Variants in HPGDS observed in about 807,000 individuals in gnomAD.
HPGDS encodes the protein GST class-sigma.
Under a neutral mutation model 23.1 loss-of-function variants are expected in HPGDS, and 26 were observed. The ratio of observed to expected loss-of-function variants is 1.13; its 90% CI spans 0.83 to 1.56. The LOEUF (loss-of-function observed/expected upper bound fraction) is 1.56. Among genes scored for constraint, HPGDS ranks in the 40% most tolerant of loss-of-function variants. The pLI is 0.00. For missense variants in HPGDS, 268 were observed against 236.4 expected (o/e 1.13, Z -0.88); for synonymous variants, 95 against 77.9 (o/e 1.22, Z -1.16).
At chr4:94,304,669 C>G (rs1756107666) in intron 4 of HPGDS, among the ~76,000 whole-genome samples, 1 of 152,004 alleles carries the variant, frequency 6.6e-6, no homozygotes. Context: ...ATTAGATAGT[C>G]TATAGCTATC....
chr4:94,332,555 C>G (rs893547155), intron 2 of HPGDS, among the ~76,000 whole-genome samples: 1 of 152,250 alleles, frequency 6.6e-6, no homozygotes, highest in African/African-American at 2.4e-5. Flanking sequence ...AGGGCCCACA[C>G]AGAGCTTGCT....
intron 5 of HPGDS, among the ~76,000 whole-genome samples, chr4:94,300,974 T>C (rs1183081179): frequency 6.6e-6 from 1 of 151,614 alleles, no homozygotes; most frequent in Non-Finnish European, 1.5e-5. Flanking sequence ...AGAGATGAGA[T>C]CAGAACATCA....
At chr4:94,313,413 A>G (rs1285771149) in intron 3 of HPGDS, among the ~76,000 whole-genome samples, 1 of 152,190 alleles carries the variant, frequency 6.6e-6, no homozygotes, top group Non-Finnish European at 1.5e-5. Flanking sequence ...GTTTGGCTGG[A>G]TATGAAATTC....
intron 3 of HPGDS, among the ~76,000 whole-genome samples, chr4:94,312,946 C>G (rs182636459): frequency 0.025 from 3,758 of 148,806 alleles, 95 homozygotes; most frequent in African/African-American, 0.076. Flanking sequence ...TTATCAGAGA[C>G]TAGGATTGCA....
At chr4:94,301,352 T>C (rs997175043) in intron 5 of HPGDS, among the ~76,000 whole-genome samples, 1 of 152,218 alleles carries the variant, frequency 6.6e-6, no homozygotes, top group Non-Finnish European at 1.5e-5. Context: ...TTTTTTGTGA[T>C]TATTGATGGT....
chr4:94,325,653 G>C (rs182861091), intron 2 of HPGDS, among the ~76,000 whole-genome samples: 14 of 152,180 alleles, frequency 9.2e-5, no homozygotes, highest in African/African-American at 3.1e-4. Flanking sequence ...GCAGTATTTG[G>C]GTGGCAGTGT....
intron 3 of HPGDS, among the ~76,000 whole-genome samples, chr4:94,309,294 C>T (rs1471162116): frequency 2.4e-4 from 35 of 145,770 alleles, no homozygotes; most frequent in African/African-American, 6.9e-4. Flanking sequence ...CAACAGGCCC[C>T]GGTGTGTGAT....
intron 4 of HPGDS, among the ~76,000 whole-genome samples, chr4:94,303,244 T>G (rs1181930661): frequency 1.3e-5 from 2 of 152,144 alleles, no homozygotes; most frequent in Non-Finnish European, 2.9e-5. Context: ...ACATACAGGT[T>G]GAGCCTCCCT....
chr4:94,309,767 T>A (rs549255156), intron 3 of HPGDS, among the ~76,000 whole-genome samples: 2 of 151,708 alleles, frequency 1.3e-5, no homozygotes, highest in South Asian at 4.2e-4. Flanking sequence ...GTGTTCCTAT[T>A]TCTCCACATC....
intron 3 of HPGDS, among the ~76,000 whole-genome samples, chr4:94,309,172 C>A (rs1217795893): frequency 2.1e-5 from 3 of 146,336 alleles, no homozygotes; most frequent in African/African-American, 7.6e-5. Flanking sequence ...GCACAACATT[C>A]AGGTTTGTTA....
chr4:94,316,222 G>C (rs1474941584), intron 3 of HPGDS, among the ~76,000 whole-genome samples: 1 of 152,172 alleles, frequency 6.6e-6, no homozygotes, highest in Non-Finnish European at 1.5e-5. Context: ...AAGAGAAAGA[G>C]ACGAAAGAGA....
At chr4:94,334,951 A>G (rs78486141) in intron 1 of HPGDS, among the ~76,000 whole-genome samples, 1 of 152,154 alleles carries the variant, frequency 6.6e-6, no homozygotes, top group Admixed American at 6.5e-5. Context: ...AGCAAAAAAA[A>G]CTTCCCACTT....
chr4:94,338,481 G>A lies in HPGDS; in HGVS notation c.-9-3843C>T, dbSNP rs181294630. Among the ~76,000 whole-genome samples the A allele has an allele frequency of 2.0e-5, 3 of 152,158 alleles. No individual in the cohort carries two copies. The East Asian group carries it at 5.8e-4, about 29-fold the overall frequency. On this transcript the variant is annotated intron_variant, in intron 1 of 5. Transcript: ENST00000295256. ...ACTATCATCTCAATAGATACTAAAT[G>A]CTTTTAAAAAGCATTTATAACATTA...
In HPGDS at chr4:94,324,360, C is replaced by G. The variant is rs184528728; in HGVS notation, c.134-6395G>C. ...GATAATATACTGGAGTGTTTTCCAG[C>G]TTGGTTCCATTCTCCCCATCATGTT... On this transcript the variant is annotated intron_variant, in intron 2 of 5. Transcript: ENST00000295256. Among the ~76,000 whole-genome samples the G allele has an allele frequency of 7.9e-4, 120 of 152,292 alleles. 1 individual carries two copies. Among genetic ancestry groups the G allele is most frequent in the African/African-American group, 2.8e-3 (116 of 41,556 alleles).
chr4:94,336,239 C>T (rs1372001951), intron 1 of HPGDS, among the ~76,000 whole-genome samples: 2 of 151,548 alleles, frequency 1.3e-5, no homozygotes, highest in Non-Finnish European at 2.9e-5. Context: ...AGAAATCACA[C>T]CACATAAAAG....
chr4:94,323,640 T>G (rs987845773), intron 2 of HPGDS, among the ~76,000 whole-genome samples: 2 of 152,190 alleles, frequency 1.3e-5, no homozygotes. Flanking sequence ...ATCCCTTTAT[T>G]TTGAGCCTAT....
At chr4:94,317,736 A>G in intron 3 of HPGDS, 137 bp downstream of exon 3, 1 of 540,504 alleles carries the variant, frequency 1.9e-6, no homozygotes, top group Non-Finnish European at 3.2e-6. Context: ...CAGGTGGTAT[A>G]TTTATACTTT....
chr4:94,327,656 G>T (rs1756660422), intron 2 of HPGDS, among the ~76,000 whole-genome samples: 2 of 152,156 alleles, frequency 1.3e-5, no homozygotes, highest in South Asian at 4.1e-4. Flanking sequence ...CCCCAGGCAG[G>T]CAGCTCTCAG....
chr4:94,332,145 G>T (rs1485687901), intron 2 of HPGDS, among the ~76,000 whole-genome samples: 1 of 152,106 alleles, frequency 6.6e-6, no homozygotes, highest in African/African-American at 2.4e-5. Flanking sequence ...TAGAGAGATG[G>T]CTGGACTTCG....
Sources: allele counts gnomAD v4.1 joint callset (sites outside exome capture counted in the v4.1 genomes callset), GRCh38; gene constraint gnomAD v4.1.1; transcripts MANE v1.5; gene names NCBI Gene and HGNC (gene_info 2026-07-23, HGNC 2026-07-21).